The following ASTN2 variants were observed in gnomAD, a reference collection of about 807,000 sequenced individuals.
The protein encoded by ASTN2 is astrotactin 2, also known as astrotactin-2.
A neutral mutation model predicts 139.8 loss-of-function variants in ASTN2; 54 were observed. The ratio of observed to expected loss-of-function variants is 0.39; its 90% CI spans 0.31 to 0.48. ASTN2 has a LOEUF of 0.48. Ranked by LOEUF, ASTN2 falls within the 20% of genes least tolerant of loss-of-function variation. The pLI is 0.95. For missense variants in ASTN2, 1,565 were observed against 1,725.1 expected, an observed-to-expected ratio of 0.91 and a Z score of 1.64; for synonymous variants, 756 against 719.5, an observed-to-expected ratio of 1.05 and a Z score of -0.81.
At chr9:116,731,613 G>C (rs931858891) in intron 14 of ASTN2, among the ~76,000 whole-genome samples, 2 of 152,048 alleles carry the variant, frequency 1.3e-5, no homozygotes, top group Non-Finnish European at 2.9e-5. Context: ...TAGTAGAGAC[G>C]GGGTTTCATC....
At chr9:116,870,058 T>G (rs1833120377) in intron 10 of ASTN2, among the ~76,000 whole-genome samples, 1 of 150,692 alleles carries the variant, frequency 6.6e-6, no homozygotes, top group Admixed American at 6.7e-5. Flanking sequence ...GAGGTGGGGG[T>G]CAAGGATTTC....
intron 7 of ASTN2, among the ~76,000 whole-genome samples, chr9:116,991,548 A>G (rs1433216728): frequency 6.6e-6 from 1 of 151,766 alleles, no homozygotes; most frequent in Non-Finnish European, 1.5e-5. Context: ...AATAATCGTC[A>G]CAATAACTTA....
chr9:117,181,033 G>A (rs532574103), intron 3 of ASTN2: 29 of 1,553,950 alleles, frequency 1.9e-5, no homozygotes, highest in South Asian at 7.8e-5. Context: ...CTGGGGTAGC[G>A]CAAGGTCAGA....
At chr9:116,632,940 T>C (rs1351827474) in intron 17 of ASTN2, among the ~76,000 whole-genome samples, 2 of 152,210 alleles carry the variant, frequency 1.3e-5, no homozygotes, top group East Asian at 1.9e-4. Flanking sequence ...CCAAAGTAGG[T>C]ACTCCATAAA....
At chr9:117,089,275 G>A (rs1025305315) in intron 5 of ASTN2, among the ~76,000 whole-genome samples, 2 of 152,182 alleles carry the variant, frequency 1.3e-5, no homozygotes, top group East Asian at 3.9e-4. Context: ...GTGTGGACTT[G>A]AGCACACATC....
intron 10 of ASTN2, among the ~76,000 whole-genome samples, chr9:116,960,854 G>T (rs1325547953): frequency 1.3e-5 from 2 of 152,110 alleles, no homozygotes; most frequent in African/African-American, 2.4e-5. Flanking sequence ...TACCTGACTG[G>T]ACCAGACACC....
At chr9:116,842,334 C>T (rs1039529033) in intron 11 of ASTN2, among the ~76,000 whole-genome samples, 6 of 151,918 alleles carry the variant, frequency 3.9e-5, no homozygotes, top group Non-Finnish European at 7.4e-5. Context: ...TTTTTTAATC[C>T]CCACAAAACT....
At chr9:116,731,178 GTAATAATAATAATAA>G (rs68099311) in intron 14 of ASTN2, among the ~76,000 whole-genome samples, 22,319 of 140,052 alleles carry the variant, frequency 0.16, 2,594 homozygotes, top group Admixed American at 0.3. Flanking sequence ...ATTTTTCCTG[GTAATAATAATAATAA>G]TAATAATAAT....
chr9:117,200,265 T>C (rs190790849), intron 3 of ASTN2, among the ~76,000 whole-genome samples: 46 of 136,874 alleles, frequency 3.4e-4, no homozygotes, highest in Non-Finnish European at 4.1e-4. Flanking sequence ...CGGTGTGTGA[T>C]GTTCGATGGG....
chr9:117,256,333 G>A (rs1334779645), intron 2 of ASTN2, among the ~76,000 whole-genome samples: 4 of 152,196 alleles, frequency 2.6e-5, no homozygotes, highest in African/African-American at 7.2e-5. Flanking sequence ...AGCTGGTGCA[G>A]TCCTCAGAAA....
chr9:116,663,303 G>A (rs549747383), intron 16 of ASTN2, among the ~76,000 whole-genome samples: 1 of 152,286 alleles, frequency 6.6e-6, no homozygotes, highest in African/African-American at 2.4e-5. Flanking sequence ...CTTGGGGCCA[G>A]TAGGAGGCCA....
chr9:116,441,338 A>G (rs1847833852), intron 21 of ASTN2, among the ~76,000 whole-genome samples: 2 of 151,956 alleles, frequency 1.3e-5, no homozygotes, highest in Admixed American at 6.6e-5. Flanking sequence ...ATACATCATG[A>G]GTAGAAGGCA....
At chr9:117,040,868 C>T (rs1012365538) in intron 5 of ASTN2, among the ~76,000 whole-genome samples, 1 of 152,146 alleles carries the variant, frequency 6.6e-6, no homozygotes, top group African/African-American at 2.4e-5. Flanking sequence ...CGGTTAGAAG[C>T]TGATCAGTTC....
intron 2 of ASTN2, 21 bp downstream of exon 2, chr9:117,291,305 T>G: frequency 6.2e-7 from 1 of 1,611,628 alleles, no homozygotes; most frequent in Non-Finnish European, 8.5e-7. Flanking sequence ...CCGACCCCGG[T>G]CACATCCCCC....
rs538089977 is a variant in ASTN2 at position 117,289,650 on chromosome 9, C to T, written c.630+1676G>A. Among the ~76,000 whole-genome samples, 30 of 152,266 alleles carry T rather than the reference C, an allele frequency of 2.0e-4. 1 individual carries two copies. Among genetic ancestry groups the T allele is most frequent in the Admixed American group, 5.9e-4 (9 of 15,298 alleles). ...TAAAGGAAGAAGAGCATTCACACCC[C>T]TCCGCCTCTTCCTAACATTAGATGG... On this transcript the variant is annotated intron_variant, in intron 2 of 22. Transcript: ENST00000313400.
chr9:117,395,531 G>T (rs1360621750), intron 1 of ASTN2, among the ~76,000 whole-genome samples: 1 of 152,202 alleles, frequency 6.6e-6, no homozygotes, highest in East Asian at 1.9e-4. Context: ...CCTAAAGGTA[G>T]GCATGCTGGG....
chr9:116,460,175 C>T (rs962209508), intron 20 of ASTN2, among the ~76,000 whole-genome samples: 1 of 152,036 alleles, frequency 6.6e-6, no homozygotes, highest in South Asian at 2.1e-4. Flanking sequence ...CATGATTCCA[C>T]TTATATGAAA....
intron 2 of ASTN2, among the ~76,000 whole-genome samples, chr9:117,259,207 T>G (rs1300163281): frequency 2.0e-5 from 3 of 152,096 alleles, no homozygotes; most frequent in African/African-American, 7.2e-5. Flanking sequence ...GTTTCTCAGA[T>G]GCAAAATGTG....
intron 2 of ASTN2, among the ~76,000 whole-genome samples, chr9:117,231,971 C>T (rs1278343696): frequency 1.3e-5 from 2 of 152,136 alleles, no homozygotes; most frequent in Non-Finnish European, 2.9e-5. Context: ...CTTTTCAGGG[C>T]CCTGCACTCG....
Sources: gnomAD v4.1 joint callset for allele counts (sites outside exome capture counted in the v4.1 genomes callset) on GRCh38, gnomAD v4.1.1 for gene constraint, MANE v1.5 for transcripts, NCBI Gene and HGNC (gene_info 2026-07-23, HGNC 2026-07-21) for gene names.